Variants in ZNF652 observed in about 807,000 individuals in gnomAD.
ZNF652 encodes zinc finger protein 652.
ZNF652 carries 16 observed loss-of-function variants against 45.2 expected under a neutral mutation model. The observed-to-expected ratio is 0.35, with a 90% CI of 0.24 to 0.54. The LOEUF (loss-of-function observed/expected upper bound fraction) is 0.54. Among genes scored for constraint, ZNF652 ranks in the 20% least tolerant of loss-of-function variants. The probability of loss-of-function intolerance (pLI) is 0.91; values close to 1 mark genes in which losing one functional copy is unlikely to be tolerated. For missense variants in ZNF652, 614 were observed against 765.6 expected (o/e 0.80, Z 2.34); for synonymous variants, 250 against 260.6 (o/e 0.96, Z 0.39).
At chr17:49,319,623 T>G (rs2069860483) in intron 1 of ZNF652, among the ~76,000 whole-genome samples, 1 of 116,856 alleles carries the variant, frequency 8.6e-6, no homozygotes, top group Non-Finnish European at 1.6e-5. Flanking sequence ...CAGAGCTAGC[T>G]AGACTCTGTC....
chr17:49,299,244 G>A (rs1373460164), intron 5 of ZNF652, among the ~76,000 whole-genome samples: 3 of 152,090 alleles, frequency 2.0e-5, no homozygotes, highest in African/African-American at 7.2e-5. Flanking sequence ...GATAAAGATG[G>A]GGGAGAAGGC....
chr17:49,323,234 C>A (rs2069917619), intron 1 of ZNF652, among the ~76,000 whole-genome samples: 1 of 152,202 alleles, frequency 6.6e-6, no homozygotes, highest in African/African-American at 2.4e-5. Context: ...AATCCTTTGT[C>A]ATTCCAATAA....
At chr17:49,312,485 A>C (rs987421043) in intron 3 of ZNF652, among the ~76,000 whole-genome samples, 6 of 152,116 alleles carry the variant, frequency 3.9e-5, no homozygotes, top group African/African-American at 1.4e-4. Flanking sequence ...CTCTAACAGT[A>C]ATGTCTGAAG....
intron 1 of ZNF652, among the ~76,000 whole-genome samples, chr17:49,336,320 G>GC (rs955020990): frequency 5.7e-5 from 7 of 123,310 alleles, no homozygotes; most frequent in Non-Finnish European, 1.0e-4. Flanking sequence ...GCCATGCCCA[G>GC]CCCTTTTTTT....
intron 1 of ZNF652, among the ~76,000 whole-genome samples, chr17:49,333,527 G>A (rs11653762): frequency 0.062 from 7,296 of 117,602 alleles, 308 homozygotes; most frequent in Middle Eastern, 0.15. Flanking sequence ...GGCTAACATA[G>A]TGAAACCCTG....
At chr17:49,325,677 C>T (rs563204029) in intron 1 of ZNF652, among the ~76,000 whole-genome samples, 13 of 151,930 alleles carry the variant, frequency 8.6e-5, no homozygotes, top group African/African-American at 3.1e-4. Flanking sequence ...ATACAAATTA[C>T]CCAGGCATGG....
Position 49,298,333 on chromosome 17 carries a change from A to C in ZNF652, c.*80T>G, listed in dbSNP as rs2069502121. 2 of 1,554,986 alleles carry C rather than the reference A, an allele frequency of 1.3e-6. No homozygotes were observed. Among genetic ancestry groups the C allele is most frequent in the African/African-American group, 1.4e-5 (1 of 73,762 alleles). On this transcript the variant is annotated 3_prime_UTR_variant, in exon 6 of 6. Transcript: ENST00000430262. Reference sequence around the variant, plus strand: ...GAGGCGGAGGAGAGTCTGAGAACTAAGGAAATGCTCACCGACTCCCTCTGT... The same window carrying C: ...GAGGCGGAGGAGAGTCTGAGAACTACGGAAATGCTCACCGACTCCCTCTGT...
chr17:49,306,583 G>C (rs917051), intron 5 of ZNF652, among the ~76,000 whole-genome samples: 34,419 of 151,972 alleles, frequency 0.23, 4,012 homozygotes, highest in South Asian at 0.31. Context: ...CACTGCACCT[G>C]GTCGCAAATA....
chr17:49,338,607 A>G (rs947153334), intron 1 of ZNF652, among the ~76,000 whole-genome samples: 2 of 152,238 alleles, frequency 1.3e-5, no homozygotes, highest in Non-Finnish European at 2.9e-5. Flanking sequence ...CTAATAATGC[A>G]TACAGTCATG....
At chr17:49,345,709 TG>T (rs1330553001) in intron 1 of ZNF652, among the ~76,000 whole-genome samples, 1 of 150,736 alleles carries the variant, frequency 6.6e-6, no homozygotes, top group Non-Finnish European at 1.5e-5. Flanking sequence ...GGCGTGGTGG[TG>T]GGTGCCTATA....
In ZNF652 at chr17:49,340,136, C is replaced by T. The variant is rs557782414; in HGVS notation, c.-259+21773G>A. ...TATTACAGAAATAACATTTTGGGGCCGGGTGCAGTGAATCACGCCTGTAAT... is the reference window on the plus strand; with the variant it reads ...TATTACAGAAATAACATTTTGGGGCTGGGTGCAGTGAATCACGCCTGTAAT... On this transcript the variant is annotated intron_variant, in intron 1 of 5. Coordinates refer to ENST00000430262, the MANE Select transcript of ZNF652 (RefSeq NM_001145365.3). 9.9e-5 allele frequency among the ~76,000 whole-genome samples: 15 copies of T among 152,220 alleles called. No individual in the cohort carries two copies. The East Asian group carries it at 2.7e-3, about 27-fold the overall frequency.
intron 1 of ZNF652, chr17:49,361,111 GAAGT>G (rs1008855184): frequency 3.3e-5 from 5 of 152,338 alleles, no homozygotes; most frequent in African/African-American, 9.7e-5. Context: ...CGGCAATCAG[GAAGT>G]GAGTGAGTGT....
intron 1 of ZNF652, among the ~76,000 whole-genome samples, chr17:49,321,738 G>A (rs1567925570): frequency 6.6e-6 from 1 of 152,200 alleles, no homozygotes; most frequent in African/African-American, 2.4e-5. Flanking sequence ...GGCAAGGAAA[G>A]TTATTGGAGG....
chr17:49,332,472 G>A (rs1015056860), intron 1 of ZNF652, among the ~76,000 whole-genome samples: 2 of 151,924 alleles, frequency 1.3e-5, no homozygotes, highest in South Asian at 2.1e-4. Context: ...TTCCCTCTCC[G>A]ATTCTTTTGA....
Position 49,317,541 on chromosome 17 carries a change from A to C in ZNF652, c.185T>G (p.Leu62Ter). ...KRESGSPYSV[L>*]VDTKMSKPHL... is the part of the protein sequence containing the mutation. ...CGGTTTGCTCATCTTGGTGTCCACT[A>C]ACACAGAATAAGGACTTCCTGATTC... is the stretch of plus-strand genomic sequence containing the variant. Residue 62 changes from leucine to a stop codon, truncating the protein, a stop_gained, in exon 2 of 6, where the codon TTA becomes TGA. Transcript: ENST00000430262. LOFTEE classifies it high-confidence loss of function. The C allele has an allele frequency of 6.2e-7, 1 of 1,614,106 alleles. No individual in the cohort carries two copies. Among genetic ancestry groups the C allele is most frequent in the Non-Finnish European group, 8.5e-7 (1 of 1,180,012 alleles).
At chr17:49,350,693 G>T (rs923988405) in intron 1 of ZNF652, among the ~76,000 whole-genome samples, 2 of 151,264 alleles carry the variant, frequency 1.3e-5, no homozygotes, top group African/African-American at 2.4e-5. Context: ...AAAATGGCTG[G>T]GTGCAGTGGC....
rs1445041455 is a variant in ZNF652 at position 49,297,174 on chromosome 17, A to G, written c.*1239T>C. 6.6e-6 allele frequency: 1 copy of G among 152,310 alleles called. No individual in the cohort carries two copies. Among genetic ancestry groups the G allele is most frequent in the Admixed American group, 6.5e-5 (1 of 15,274 alleles). 9.4% of individuals were successfully genotyped at this position (152,310 alleles called of 1,614,324 possible). A position where few individuals can be genotyped will look rare whatever the true frequency, so the allele number is the denominator to read the frequency against. ...GTCTTCTCATCTGAATTTCTCAGCCACTATCAGCAATGTCATGTTTGTGAT... is the reference window on the plus strand; with the variant it reads ...GTCTTCTCATCTGAATTTCTCAGCCGCTATCAGCAATGTCATGTTTGTGAT... On this transcript the variant is annotated 3_prime_UTR_variant, in exon 6 of 6. Coordinates refer to ENST00000430262, the MANE Select transcript of ZNF652 (RefSeq NM_001145365.3).
rs1567906931 is a variant in ZNF652, at chr17:49,291,692, G to A, written c.*6721C>T. ...AGCTCTCCGTTGTTTTATGGCCTGG[G>A]ACCCTGAAGAGAAAAGCCACAAATT... On this transcript the variant is annotated 3_prime_UTR_variant, in exon 6 of 6. Transcript: ENST00000430262. The A allele has an allele frequency of 6.6e-6, 1 of 152,258 alleles. No individual in the cohort carries two copies. Among genetic ancestry groups the A allele is most frequent in the East Asian group, 1.9e-4 (1 of 5,186 alleles). The allele number at this position is 152,258 out of a possible 1,614,324, so 9.4% of individuals were successfully genotyped here. A position where few individuals can be genotyped will look rare whatever the true frequency, so the allele number is the denominator to read the frequency against.
chr17:49,288,274 C>T (rs2069362177), downstream of ZNF652: 2 of 152,040 alleles, frequency 1.3e-5, no homozygotes, highest in South Asian at 2.1e-4. Flanking sequence ...ATTACCTACC[C>T]TGTATCTATG....
Sources: gnomAD v4.1 joint callset for allele counts (sites outside exome capture counted in the v4.1 genomes callset) on GRCh38, gnomAD v4.1.1 for gene constraint, MANE v1.5 for transcripts, NCBI Gene and HGNC (gene_info 2026-07-23, HGNC 2026-07-21) for gene names.